Variants in ADGRV1 observed in about 807,000 individuals in gnomAD.
The protein encoded by ADGRV1 is adhesion G protein-coupled receptor V1.
In ADGRV1, 359 loss-of-function variants were observed where a neutral mutation model predicts 596.2. That is an observed-to-expected ratio of 0.60 (90% CI 0.55 to 0.66). The LOEUF (loss-of-function observed/expected upper bound fraction) is 0.66, where lower values mean the gene tolerates loss of function less well. Ranked by LOEUF, ADGRV1 falls within the 30% of genes least tolerant of loss-of-function variation. The pLI, the probability that ADGRV1 is intolerant of heterozygous loss-of-function variation, is 0.00. For synonymous variants in ADGRV1, 2,681 were observed against 2,679.2 expected (o/e 1.00, Z -0.02); for missense variants, 7,274 against 7,575.6 (o/e 0.96, Z 1.48).
At chr5:90,640,374 G>GT (rs1415752682) in intron 11 of ADGRV1, among the ~76,000 whole-genome samples, 1 of 152,054 alleles carries the variant, frequency 6.6e-6, no homozygotes, top group Non-Finnish European at 1.5e-5. Flanking sequence ...ACACAGTTTT[G>GT]TTTTTTCTAA....
chr5:91,109,537 T>A (rs1235459955), intron 87 of ADGRV1, among the ~76,000 whole-genome samples: 1 of 152,164 alleles, frequency 6.6e-6, no homozygotes, highest in Non-Finnish European at 1.5e-5. Context: ...TCCAAAGGCC[T>A]TGGGGTTCTA....
At chr5:91,084,139 T>A (rs1789656181) in intron 86 of ADGRV1, among the ~76,000 whole-genome samples, 1 of 152,090 alleles carries the variant, frequency 6.6e-6, no homozygotes, top group African/African-American at 2.4e-5. Context: ...TTGTTCTTCA[T>A]CCTCATTGTA....
chr5:90,778,346 C>A, intron 62 of ADGRV1, 81 bp from the exon 63 acceptor site: 1 of 1,198,594 alleles, frequency 8.3e-7, no homozygotes, highest in Non-Finnish European at 1.2e-6. Context: ...ATTACAAAAT[C>A]TGTTGTTATT....
rs1581566077 is a variant in ADGRV1 at position 90,934,786 on chromosome 5, C to G, written c.17857-30629C>G. Among the ~76,000 whole-genome samples the G allele has an allele frequency of 2.6e-5, 4 of 152,332 alleles. 1 individual carries two copies. The highest frequency in any genetic ancestry group is 2.6e-4 in the Admixed American group (4 of 15,304). On this transcript the variant is annotated intron_variant, in intron 83 of 89. Transcript: ENST00000405460. ...CTGGCAAGTAAGAGCAGGGCACTTA[C>G]AAAGTAGATTTTATTCTGAGGCCTC...
At chr5:90,663,778 T>A (rs1770810760) in intron 21 of ADGRV1, among the ~76,000 whole-genome samples, 1 of 151,992 alleles carries the variant, frequency 6.6e-6, no homozygotes, top group Non-Finnish European at 1.5e-5. Flanking sequence ...CCATCTTGAA[T>A]TGATTTTTGT....
intron 2 of ADGRV1, among the ~76,000 whole-genome samples, chr5:90,616,211 T>A (rs151277824): frequency 0.017 from 2,528 of 152,176 alleles, 35 homozygotes; most frequent in South Asian, 0.027. Context: ...TATACATGAT[T>A]TTTATTGGTA....
chr5:90,745,795 G>A lies in ADGRV1; in HGVS notation c.10974G>A (p.Gln3658=). 6.4e-7 allele frequency: 1 copy of A among 1,562,436 alleles called. No individual in the cohort carries two copies. The highest frequency in any genetic ancestry group is 8.8e-7 in the Non-Finnish European group (1 of 1,135,448). The change falls in exon 52 of 90, where the codon CAG becomes CAA. Residue 3658 remains glutamine, a splice_region_variant and synonymous_variant. Transcript: ENST00000405460. ...CCTATGGAATTGTTGCATTTGCTCA[G>A]GTAATGATACTGAAGACCCCACACT... ...DDAYGIVAFA[Q]NSLYKQVEEM... is the part of the protein sequence containing the mutation.
At chr5:90,607,487 T>A (rs1486287545) in intron 1 of ADGRV1, among the ~76,000 whole-genome samples, 1 of 152,116 alleles carries the variant, frequency 6.6e-6, no homozygotes. Flanking sequence ...TTAGGATCCC[T>A]AAATAAAACA....
chr5:90,814,551 C>T (rs1397448507), intron 74 of ADGRV1, among the ~76,000 whole-genome samples: 1 of 151,950 alleles, frequency 6.6e-6, no homozygotes, highest in Non-Finnish European at 1.5e-5. Context: ...GGGCAGTTTC[C>T]CCCATGCTGT....
chr5:90,717,608 G>C (rs774607514), intron 43 of ADGRV1: 7 of 152,110 alleles, frequency 4.6e-5, no homozygotes, highest in Non-Finnish European at 7.3e-5. Context: ...CCATTCTCCT[G>C]CCTCGGCCTC....
At chr5:90,655,224 G>A (rs1489172761) in intron 20 of ADGRV1, 1 of 152,142 alleles carries the variant, frequency 6.6e-6, no homozygotes, top group African/African-American at 2.4e-5. Context: ...CCTGCCTACT[G>A]ACTATTGGCA....
At chr5:90,931,709 T>C (rs1206346060) in intron 83 of ADGRV1, among the ~76,000 whole-genome samples, 2 of 152,200 alleles carry the variant, frequency 1.3e-5, no homozygotes, top group East Asian at 3.8e-4. Context: ...AAAAGAAATA[T>C]TTTAATAATG....
intron 83 of ADGRV1, among the ~76,000 whole-genome samples, chr5:90,867,505 C>T (rs149392099): frequency 4.0e-4 from 61 of 152,254 alleles, no homozygotes; most frequent in African/African-American, 1.3e-3. Flanking sequence ...AGGGAGGATC[C>T]TACTCAGACA....
At chr5:90,594,941 C>T (rs1439751229) in intron 1 of ADGRV1, among the ~76,000 whole-genome samples, 3 of 148,882 alleles carry the variant, frequency 2.0e-5, no homozygotes, top group African/African-American at 7.6e-5. Context: ...ACCTTTCCCC[C>T]CTTTCTATTC....
At chr5:90,947,051 C>T (rs1776639066) in intron 83 of ADGRV1, among the ~76,000 whole-genome samples, 1 of 152,156 alleles carries the variant, frequency 6.6e-6, no homozygotes, top group South Asian at 2.1e-4. Flanking sequence ...CTGTCTTCCA[C>T]AATTGTTGAA....
chr5:90,763,019 G>A lies in ADGRV1; in HGVS notation c.12121-286G>A, dbSNP rs561238790. ...GTGGGGTCTTGTGTGGGTGTTTATG[G>A]CAAGAGTATTAGCAGCATAAATCAT... On this transcript the variant is annotated intron_variant, in intron 58 of 89. Coordinates refer to ENST00000405460, the MANE Select transcript of ADGRV1 (RefSeq NM_032119.4). The A allele has an allele frequency of 1.7e-5, 4 of 240,324 alleles. No individual in the cohort carries two copies. The Admixed American group carries it at 2.0e-4, about 12-fold the overall frequency. The allele number at this position is 240,324 out of a possible 1,614,324, so 14.9% of individuals were successfully genotyped here.
intron 29 of ADGRV1, among the ~76,000 whole-genome samples, chr5:90,687,567 T>G (rs1443419088): frequency 2.6e-5 from 4 of 152,110 alleles, no homozygotes; most frequent in African/African-American, 7.2e-5. Flanking sequence ...GGCAGGAGAA[T>G]GACATAAAGG....
In ADGRV1 at chr5:90,711,225, C is replaced by T. The variant is rs2149716874; in HGVS notation, c.8945C>T (p.Ala2982Val). The T allele has an allele frequency of 2.5e-6, 4 of 1,612,826 alleles. No individual in the cohort carries two copies. Among genetic ancestry groups the T allele is most frequent in the Non-Finnish European group, 3.4e-6 (4 of 1,179,078 alleles). Residue 2982 changes from alanine (A) to valine (V), a missense_variant, in exon 41 of 90, where the codon GCC becomes GTC. Ala to Val is a moderately conservative substitution (Grantham distance 64). Coordinates refer to ENST00000405460, the MANE Select transcript of ADGRV1 (RefSeq NM_032119.4). ...NETHGSLTLVAQRSREPLGHV... is the reference protein window; with the variant it reads ...NETHGSLTLVVQRSREPLGHV... ...ACCCATGGAAGTTTAACATTGGTAG[C>T]CCAGAGGAGCAGAGAACCTCTTGGC...
chr5:90,758,202 G>A (rs1313245251), intron 57 of ADGRV1, among the ~76,000 whole-genome samples: 5 of 152,108 alleles, frequency 3.3e-5, no homozygotes, highest in Middle Eastern at 3.4e-3. Context: ...GCGTGGTGGC[G>A]GGCACCTGTA....
Sources: allele counts gnomAD v4.1 joint callset (sites outside exome capture counted in the v4.1 genomes callset), GRCh38; gene constraint gnomAD v4.1.1; transcripts MANE v1.5; gene names NCBI Gene and HGNC (gene_info 2026-07-23, HGNC 2026-07-21).